Variants in FAM185A observed in about 807,000 individuals in gnomAD.
The protein encoded by FAM185A is protein FAM185A.
FAM185A carries 21 observed loss-of-function variants against 45.7 expected under a neutral mutation model. The ratio of observed to expected loss-of-function variants is 0.46; its 90% CI spans 0.33 to 0.66. The LOEUF (loss-of-function observed/expected upper bound fraction) is 0.66. Ranked by LOEUF, FAM185A falls within the 30% of genes least tolerant of loss-of-function variation. FAM185A has a pLI of 0.03. For missense variants in FAM185A, 305 were observed against 485.4 expected (o/e 0.63, Z 3.49); for synonymous variants, 117 against 194.0 (o/e 0.60, Z 3.30).
At chr7:102,842,945 C>A in the FAM185A span, among the ~76,000 whole-genome samples, 10 of 152,184 alleles carry the variant, frequency 6.6e-5, no homozygotes, top group African/African-American at 2.4e-4. Flanking sequence ...GTTGTTCTCC[C>A]AACTATGAAG....
At chr7:102,834,127 AAAGAAAG>A in the FAM185A span, among the ~76,000 whole-genome samples, 4,040 of 111,558 alleles carry the variant, frequency 0.036, 96 homozygotes, top group Non-Finnish European at 0.044. Context: ...AGAAAGAAAG[AAAGAAAG>A]AAAGAAAAGA....
At chr7:102,779,412 A>G (rs1371486643) in intron 6 of FAM185A, among the ~76,000 whole-genome samples, 1 of 152,188 alleles carries the variant, frequency 6.6e-6, no homozygotes, top group Non-Finnish European at 1.5e-5. Flanking sequence ...TAAAGATCTG[A>G]AAAATTTAAG....
chr7:102,779,265 C>T (rs2411047), intron 6 of FAM185A, among the ~76,000 whole-genome samples: 2 of 152,200 alleles, frequency 1.3e-5, no homozygotes, highest in South Asian at 2.1e-4. Context: ...TTAGTGTTAA[C>T]GATGGGACAT....
chr7:102,810,070 G>A (rs528346370), downstream of FAM185A, among the ~76,000 whole-genome samples: 154 of 152,144 alleles, frequency 1.0e-3, no homozygotes, highest in African/African-American at 3.5e-3. Flanking sequence ...AAGCAGAGAG[G>A]CCCGTGCGAT....
chr7:102,814,156 A>C (rs1797677779), downstream of FAM185A, among the ~76,000 whole-genome samples: 1 of 152,220 alleles, frequency 6.6e-6, no homozygotes. Flanking sequence ...GTCTAACTTG[A>C]AAACAAAGCC....
chr7:102,848,867 G>T, the FAM185A span, among the ~76,000 whole-genome samples: 1 of 151,984 alleles, frequency 6.6e-6, no homozygotes, highest in Non-Finnish European at 1.5e-5. Context: ...AGGCATGATG[G>T]TGCATGCCTG....
chr7:102,756,548 G>T (rs928596947), intron 2 of FAM185A, among the ~76,000 whole-genome samples: 1 of 152,066 alleles, frequency 6.6e-6, no homozygotes, highest in South Asian at 2.1e-4. Flanking sequence ...TCCCAGCTAC[G>T]TGGGAGGCTG....
intron 7 of FAM185A, among the ~76,000 whole-genome samples, chr7:102,795,249 T>C (rs1796379085): frequency 6.6e-6 from 1 of 152,228 alleles, no homozygotes; most frequent in South Asian, 2.1e-4. Context: ...AGTATAGTTA[T>C]AGAAGCTGTC....
the FAM185A span, among the ~76,000 whole-genome samples, chr7:102,820,344 CG>C: frequency 9.9e-5 from 15 of 152,212 alleles, no homozygotes; most frequent in South Asian, 4.1e-4. Flanking sequence ...AATAGGCCTT[CG>C]GCTGTCATGG....
At position 102,749,545 on chromosome 7, in the gene FAM185A, G is replaced by C; in HGVS notation, c.338G>C (p.Arg113Pro). 2 of 1,520,222 alleles carry C rather than the reference G, an allele frequency of 1.3e-6. No individual in the cohort carries two copies. The highest frequency in any genetic ancestry group is 1.8e-6 in the Non-Finnish European group (2 of 1,133,546). 94.2% of individuals were successfully genotyped at this position (1,520,222 alleles called of 1,614,324 possible). ...GTGTGCGGCGTGGAGGGCGGCGTGC[G>C]GGGCCTGGACGGCCTGCAGGTGAAG... ...VAVCGVEGGV[R>P]GLDGLQVKYD... Residue 113 changes from arginine to proline, a missense_variant, in exon 1 of 8, where the codon CGG becomes CCG. Physicochemically the swap from Arg to Pro is moderately radical, Grantham distance 103. This residue lies in a region of FAM185A where 174 missense variants were observed against 247.1 expected (regional missense o/e 0.70). Transcript: ENST00000413034.
the FAM185A span, among the ~76,000 whole-genome samples, chr7:102,824,938 T>C: frequency 6.6e-6 from 1 of 152,144 alleles, no homozygotes; most frequent in South Asian, 2.1e-4. Flanking sequence ...TCTTGCTTTT[T>C]TGTTTTTCCT....
At chr7:102,749,740 A>C in intron 1 of FAM185A, 82 bp downstream of exon 1, 1 of 1,489,762 alleles carries the variant, frequency 6.7e-7, no homozygotes, top group Non-Finnish European at 8.9e-7. Context: ...GTGCACTTTT[A>C]ATTGGTCCTG....
At chr7:102,831,428 CACA>C in the FAM185A span, among the ~76,000 whole-genome samples, 21 of 151,718 alleles carry the variant, frequency 1.4e-4, no homozygotes, top group South Asian at 1.2e-3. Context: ...CACACACACA[CACA>C]CCCCACTACA....
intron 6 of FAM185A, among the ~76,000 whole-genome samples, chr7:102,778,896 C>CT (rs1795237405): frequency 6.6e-6 from 1 of 152,220 alleles, no homozygotes; most frequent in Admixed American, 6.5e-5. Flanking sequence ...CTGCCACTGT[C>CT]TTGCTGTAGG....
At chr7:102,776,527 T>G (rs1200449468) in intron 5 of FAM185A, among the ~76,000 whole-genome samples, 1 of 151,914 alleles carries the variant, frequency 6.6e-6, no homozygotes, top group East Asian at 1.9e-4. Context: ...TCCAGAAACT[T>G]GAAAAGAACT....
At chr7:102,832,719 CA>C in the FAM185A span, 1 of 1,217,806 alleles carries the variant, frequency 8.2e-7, no homozygotes, top group Non-Finnish European at 1.1e-6. Flanking sequence ...GAAAAAAATC[CA>C]ATGAATACCT....
At chr7:102,829,811 G>A in the FAM185A span, among the ~76,000 whole-genome samples, 1 of 152,228 alleles carries the variant, frequency 6.6e-6, no homozygotes, top group South Asian at 2.1e-4. Context: ...ACAGAATGAT[G>A]AGCCAGACAC....
At chr7:102,840,841 C>T in the FAM185A span, among the ~76,000 whole-genome samples, 206 of 152,244 alleles carry the variant, frequency 1.4e-3, 2 homozygotes, top group African/African-American at 4.8e-3. Flanking sequence ...GTCTACCTAT[C>T]TCATAGGCCT....
chr7:102,839,403 C>G, the FAM185A span, among the ~76,000 whole-genome samples: 46 of 152,306 alleles, frequency 3.0e-4, no homozygotes, highest in Middle Eastern at 6.8e-3. Context: ...CCTGGGCCCA[C>G]TGTTCTTTCT....
Sources: gnomAD v4.1 joint callset for allele counts (sites outside exome capture counted in the v4.1 genomes callset) on GRCh38, gnomAD v4.1.1 for gene constraint, gnomAD v4.1.1 regional missense constraint, MANE v1.5 for transcripts, NCBI Gene and HGNC (gene_info 2026-07-23, HGNC 2026-07-21) for gene names.